The following STAU2 variants were observed in gnomAD, a reference collection of about 807,000 sequenced individuals.
STAU2 encodes staufen double-stranded RNA binding protein 2.
In STAU2, 20 loss-of-function variants were observed where a neutral mutation model predicts 65.9. That is an observed-to-expected ratio of 0.30 (90% CI 0.21 to 0.44). The LOEUF (loss-of-function observed/expected upper bound fraction) is 0.44. Ranked by LOEUF, STAU2 falls within the 20% of genes least tolerant of loss-of-function variation. The pLI is 1.00. For missense variants in STAU2, 558 were observed against 683.9 expected (o/e 0.82, Z 2.05); for synonymous variants, 232 against 233.9 (o/e 0.99, Z 0.07).
At chr8:73,585,938 C>T (rs1483423697) in intron 11 of STAU2, among the ~76,000 whole-genome samples, 1 of 152,212 alleles carries the variant, frequency 6.6e-6, no homozygotes, top group Non-Finnish European at 1.5e-5. Context: ...TCCCCTTTTA[C>T]TCGGTATTCA....
At chr8:73,669,069 C>A in intron 6 of STAU2, 1 of 702,250 alleles carries the variant, frequency 1.4e-6, no homozygotes, top group Non-Finnish European at 2.6e-6. Flanking sequence ...CTCCTTGGAT[C>A]TTTGGCTCCA....
Position 73,688,739 on chromosome 8 carries a change from C to T in STAU2, c.189G>A (p.Gln63=). The T allele has an allele frequency of 6.2e-7, 1 of 1,614,168 alleles. No individual in the cohort carries two copies. Among genetic ancestry groups the T allele is most frequent in the Non-Finnish European group, 8.5e-7 (1 of 1,180,040 alleles). The part of the protein sequence containing the change: ...SEGSSIKKAQ[Q]AVANKALTES... ...CAGTCAAAGCTTTATTGGCAACAGC[C>T]TGCTGAGCCTTCTTTATACTGCTGC... The change falls in exon 5 of 15, where the codon CAG becomes CAA. Residue 63 remains glutamine, a synonymous_variant. Transcript: ENST00000524300.
chr8:73,687,364 A>ATTATATT (rs1208261832), intron 5 of STAU2, among the ~76,000 whole-genome samples: 5,356 of 16,216 alleles, frequency 0.33, 296 homozygotes, highest in East Asian at 0.47. Flanking sequence ...TATAATATAA[A>ATTATATT]TATAATTTAT....
intron 4 of STAU2, among the ~76,000 whole-genome samples, chr8:73,699,498 T>C (rs1054838417): frequency 6.6e-6 from 1 of 151,932 alleles, no homozygotes; most frequent in Non-Finnish European, 1.5e-5. Context: ...TTACAATGGA[T>C]ACAACAGAAA....
At chr8:73,470,618 C>T (rs977771753) in intron 13 of STAU2, among the ~76,000 whole-genome samples, 22 of 151,876 alleles carry the variant, frequency 1.4e-4, no homozygotes, top group Non-Finnish European at 2.4e-4. Flanking sequence ...GGCAACACAG[C>T]GAGATCCTGT....
chr8:73,544,470 C>T (rs925670286), intron 13 of STAU2, among the ~76,000 whole-genome samples: 4 of 152,180 alleles, frequency 2.6e-5, no homozygotes, highest in African/African-American at 7.2e-5. Flanking sequence ...ACAATACACA[C>T]ACATTTTTTT....
At chr8:73,726,192 C>T (rs575368572) in intron 3 of STAU2, among the ~76,000 whole-genome samples, 5 of 152,152 alleles carry the variant, frequency 3.3e-5, no homozygotes, top group East Asian at 1.9e-4. Flanking sequence ...GAAAACCAAA[C>T]GTCATATATT....
chr8:73,623,443 C>A (rs1813409836), intron 6 of STAU2, among the ~76,000 whole-genome samples: 1 of 152,136 alleles, frequency 6.6e-6, no homozygotes, highest in South Asian at 2.1e-4. Flanking sequence ...AATCTCAACA[C>A]AGCTTAAACA....
At chr8:73,437,951 C>T (rs1406700614) in intron 13 of STAU2, among the ~76,000 whole-genome samples, 2 of 152,186 alleles carry the variant, frequency 1.3e-5, no homozygotes, top group Non-Finnish European at 2.9e-5. Flanking sequence ...TACTCCTCCG[C>T]TCTGTGCTGG....
chr8:73,509,926 G>A (rs1026096911), intron 13 of STAU2, among the ~76,000 whole-genome samples: 4 of 152,130 alleles, frequency 2.6e-5, no homozygotes, highest in African/African-American at 9.7e-5. Flanking sequence ...AAAACTGTTA[G>A]AAATGCTTAT....
intron 13 of STAU2, among the ~76,000 whole-genome samples, chr8:73,463,031 G>A (rs990074149): frequency 1.3e-5 from 2 of 152,158 alleles, no homozygotes; most frequent in African/African-American, 4.8e-5. Flanking sequence ...CCTGCCTGCC[G>A]GCCTCTCCAC....
chr8:73,428,452 C>A (rs1171729707), intron 13 of STAU2, among the ~76,000 whole-genome samples: 1 of 152,054 alleles, frequency 6.6e-6, no homozygotes. Context: ...TCTCTTGACA[C>A]ACAAATTTCA....
intron 13 of STAU2, among the ~76,000 whole-genome samples, chr8:73,432,717 T>G (rs1322386341): frequency 6.6e-6 from 1 of 152,234 alleles, no homozygotes; most frequent in African/African-American, 2.4e-5. Context: ...TCTAATAATT[T>G]CATTATAGCC....
chr8:73,555,045 T>C (rs745459535), intron 12 of STAU2, among the ~76,000 whole-genome samples: 1 of 152,202 alleles, frequency 6.6e-6, no homozygotes, highest in African/African-American at 2.4e-5. Context: ...AATACTGTCC[T>C]GACCTCAAGT....
intron 11 of STAU2, among the ~76,000 whole-genome samples, chr8:73,587,158 T>A (rs1810435588): frequency 6.6e-6 from 1 of 151,884 alleles, no homozygotes; most frequent in South Asian, 2.1e-4. Flanking sequence ...TGCTGGGAGG[T>A]ACAAGACAAG....
intron 3 of STAU2, among the ~76,000 whole-genome samples, chr8:73,735,921 G>T (rs1464071952): frequency 6.6e-6 from 1 of 152,134 alleles, no homozygotes; most frequent in Non-Finnish European, 1.5e-5. Context: ...TATTTTAATT[G>T]TAACCAAATA....
At chr8:73,573,325 G>A (rs1809254367) in intron 12 of STAU2, among the ~76,000 whole-genome samples, 1 of 152,212 alleles carries the variant, frequency 6.6e-6, no homozygotes, top group Non-Finnish European at 1.5e-5. Flanking sequence ...TGGGCATACT[G>A]CCCAAGGTAA....
At position 73,473,037 on chromosome 8, in the gene STAU2, T is replaced by C. The variant is rs574821132; in HGVS notation, c.1531-50335A>G. Among the ~76,000 whole-genome samples the C allele has an allele frequency of 1.3e-4, 20 of 152,312 alleles. No individual in the cohort carries two copies. In the East Asian group the frequency reaches 3.3e-3, roughly 25 times the overall value. The stretch of plus-strand genomic sequence containing the variant: ...TTTTAAGTTATTTCAGAAAAAAATA[T>C]AACACTCCACACAATAGCCAAGGTG... On this transcript the variant is annotated intron_variant, in intron 13 of 14. Transcript: ENST00000524300.
intron 4 of STAU2, among the ~76,000 whole-genome samples, chr8:73,689,252 T>C (rs1160123039): frequency 6.6e-6 from 1 of 152,174 alleles, no homozygotes; most frequent in African/African-American, 2.4e-5. Flanking sequence ...AGTCAGGCAA[T>C]TCTATTAAAT....
Sources: allele counts gnomAD v4.1 joint callset (sites outside exome capture counted in the v4.1 genomes callset), GRCh38; gene constraint gnomAD v4.1.1; transcripts MANE v1.5; gene names NCBI Gene and HGNC (gene_info 2026-07-23, HGNC 2026-07-21).